Variants in PCDH17 observed in about 807,000 individuals in gnomAD.
PCDH17 encodes protocadherin 17.
A neutral mutation model predicts 67.7 loss-of-function variants in PCDH17; 21 were observed. The observed-to-expected ratio is 0.31, with a 90% CI of 0.22 to 0.45. The LOEUF is 0.45. Among genes scored for constraint, PCDH17 ranks in the 20% least tolerant of loss-of-function variants. The probability of loss-of-function intolerance (pLI) is 1.00; values close to 1 mark genes in which losing one functional copy is unlikely to be tolerated. For missense variants in PCDH17, 1,471 were observed against 1,564.8 expected, an observed-to-expected ratio of 0.94 and a Z score of 1.01; for synonymous variants, 701 against 656.7, an observed-to-expected ratio of 1.07 and a Z score of -1.03.
intron 3 of PCDH17, among the ~76,000 whole-genome samples, chr13:57,700,437 A>T (rs1178259926): frequency 6.6e-6 from 1 of 151,436 alleles, no homozygotes; most frequent in Non-Finnish European, 1.5e-5. Context: ...TCCTGCCTCA[A>T]CTTTCTGACT....
upstream of PCDH17, among the ~76,000 whole-genome samples, chr13:57,631,652 C>G (rs1008762788): frequency 6.6e-6 from 1 of 152,048 alleles, no homozygotes; most frequent in African/African-American, 2.4e-5. Context: ...CTGTGGCTTT[C>G]TTGATTTCGG....
intron 3 of PCDH17, among the ~76,000 whole-genome samples, chr13:57,723,274 T>C (rs1205028094): frequency 2.0e-5 from 3 of 152,322 alleles, no homozygotes; most frequent in Non-Finnish European, 2.9e-5. Context: ...TCCTAAAAAT[T>C]TCAGCCTCTT....
At chr13:57,646,449 G>T (rs1954968328) in intron 1 of PCDH17, among the ~76,000 whole-genome samples, 1 of 151,566 alleles carries the variant, frequency 6.6e-6, no homozygotes, top group Non-Finnish European at 1.5e-5. Context: ...TACATGTGAA[G>T]TTGTATTATT....
chr13:57,633,675 A>G lies in PCDH17; in HGVS notation c.1129A>G (p.Thr377Ala). 3 of 1,605,154 alleles carry G rather than the reference A, an allele frequency of 1.9e-6. No homozygotes were observed. Among genetic ancestry groups the G allele is most frequent in the Non-Finnish European group, 2.5e-6 (3 of 1,179,868 alleles). Reference sequence around the variant, plus strand: ...CACCGTCATCGCCCTGGTGCGGGTCACTGACCGGGACTCTGGCAAGAACGG... The same window carrying G: ...CACCGTCATCGCCCTGGTGCGGGTCGCTGACCGGGACTCTGGCAAGAACGG... ...PGTVIALVRV[T>A]DRDSGKNGQL... The change falls in exon 1 of 4, where the codon ACT (threonine) becomes GCT (alanine). Residue 377 changes from threonine (T) to alanine (A), a missense_variant. By Grantham distance (58) the Thr-to-Ala change is moderately conservative (BLOSUM62 0). Coordinates refer to ENST00000377918, the MANE Select transcript of PCDH17 (RefSeq NM_001040429.3). The surrounding 1 kb of genome is among the most constrained non-coding windows in gnomAD (Gnocchi z 6.2).
At chr13:57,631,091 G>A (rs1954713221), upstream of PCDH17, among the ~76,000 whole-genome samples, 1 of 151,782 alleles carries the variant, frequency 6.6e-6, no homozygotes, top group Admixed American at 6.6e-5. Flanking sequence ...GCCAAACCTT[G>A]ATGTGTTGCT....
intron 3 of PCDH17, among the ~76,000 whole-genome samples, chr13:57,697,495 A>G (rs61961898): frequency 0.026 from 3,981 of 151,758 alleles, 90 homozygotes; most frequent in Non-Finnish European, 0.037. Flanking sequence ...TAAGAAGCCA[A>G]CTATTTATTA....
intron 3 of PCDH17, among the ~76,000 whole-genome samples, chr13:57,704,661 T>A (rs1423196623): frequency 6.6e-6 from 1 of 151,910 alleles, no homozygotes; most frequent in Non-Finnish European, 1.5e-5. Context: ...AGGGATAATT[T>A]GCTATGCTAC....
intron 3 of PCDH17, among the ~76,000 whole-genome samples, chr13:57,672,428 A>C (rs76402546): frequency 6.6e-6 from 1 of 152,126 alleles, no homozygotes; most frequent in African/African-American, 2.4e-5. Context: ...CTCCCTTTCT[A>C]ATTCCCCATA....
chr13:57,723,308 C>A (rs555605234), intron 3 of PCDH17, among the ~76,000 whole-genome samples: 240 of 152,098 alleles, frequency 1.6e-3, no homozygotes, highest in Non-Finnish European at 2.5e-3. Flanking sequence ...ATCTTAAAAC[C>A]TTTTGAGATA....
intron 1 of PCDH17, among the ~76,000 whole-genome samples, chr13:57,649,436 A>G (rs1454275799): frequency 2.0e-5 from 3 of 152,160 alleles, no homozygotes; most frequent in Admixed American, 2.0e-4. Flanking sequence ...ATACCATGCT[A>G]CAGCCATTTT....
rs983589853 is a variant in PCDH17 at position 57,727,961 on chromosome 13, A to G, written c.*2667A>G. On this transcript the variant is annotated 3_prime_UTR_variant, in exon 4 of 4. Transcript: ENST00000377918. ...CAATTTATTATATGTGTCTGAGGAC[A>G]TTAAAACACCATAAGGTTGTAATAA... 1 of 152,584 alleles carries G rather than the reference A, an allele frequency of 6.6e-6. No homozygotes were observed. The highest frequency in any genetic ancestry group is 1.5e-5 in the Non-Finnish European group (1 of 67,988). The allele number at this position is 152,584 out of a possible 1,614,324, so 9.5% of individuals were successfully genotyped here. A position where few individuals can be genotyped will look rare whatever the true frequency, so the allele number is the denominator to read the frequency against.
chr13:57,666,602 T>C, intron 2 of PCDH17, 59 bp from the exon 3 acceptor site: 1 of 1,606,670 alleles, frequency 6.2e-7, no homozygotes, highest in Admixed American at 1.7e-5. Context: ...GAGACTACAC[T>C]TCAGATTCAA....
At chr13:57,679,036 T>G (rs1424335654) in intron 3 of PCDH17, among the ~76,000 whole-genome samples, 1 of 151,512 alleles carries the variant, frequency 6.6e-6, no homozygotes, top group South Asian at 2.1e-4. Context: ...TAGTGAAATA[T>G]CTGAATACTC....
intron 3 of PCDH17, among the ~76,000 whole-genome samples, chr13:57,707,334 CGT>C (rs56840875): frequency 0.16 from 23,912 of 145,564 alleles, 2,432 homozygotes; most frequent in African/African-American, 0.3. Flanking sequence ...GATATATGAC[CGT>C]GTGTGTGTGT....
At chr13:57,715,530 A>G (rs1955809737) in intron 3 of PCDH17, among the ~76,000 whole-genome samples, 1 of 151,914 alleles carries the variant, frequency 6.6e-6, no homozygotes, top group African/African-American at 2.4e-5. Flanking sequence ...GCTGTAATAT[A>G]TAATTCAATG....
At chr13:57,675,162 A>G (rs1341031040) in intron 3 of PCDH17, among the ~76,000 whole-genome samples, 1 of 151,904 alleles carries the variant, frequency 6.6e-6, no homozygotes, top group African/African-American at 2.4e-5. Flanking sequence ...ATCCTTTAAC[A>G]TATATTGAAT....
intron 1 of PCDH17, among the ~76,000 whole-genome samples, chr13:57,649,711 T>C (rs1955012573): frequency 6.6e-6 from 1 of 152,218 alleles, no homozygotes; most frequent in South Asian, 2.1e-4. Flanking sequence ...GAGCATATTG[T>C]TATGCTTTCA....
chr13:57,708,833 G>A lies in PCDH17; in HGVS notation c.2798-15779G>A, dbSNP rs374106161. ...TCTCACTCACCAACAGGCATTTTTT[G>A]TTGGCAAGACTTTCAGGCAGCAATT... On this transcript the variant is annotated intron_variant, in intron 3 of 3. Coordinates refer to ENST00000377918, the MANE Select transcript of PCDH17 (RefSeq NM_001040429.3). Among the ~76,000 whole-genome samples the A allele has an allele frequency of 1.8e-4, 27 of 151,938 alleles. No homozygotes were observed. In the East Asian group the frequency reaches 2.5e-3, roughly 14 times the overall value.
At chr13:57,721,451 A>G (rs1042048853) in intron 3 of PCDH17, among the ~76,000 whole-genome samples, 7 of 152,048 alleles carry the variant, frequency 4.6e-5, no homozygotes, top group Non-Finnish European at 7.4e-5. Context: ...ATAATTTAAC[A>G]TATCTATTCC....
Sources: gnomAD v4.1 joint callset for allele counts (sites outside exome capture counted in the v4.1 genomes callset) on GRCh38, gnomAD v4.1.1 for gene constraint, Gnocchi (gnomAD v3.1) non-coding constraint, MANE v1.5 for transcripts, NCBI Gene and HGNC (gene_info 2026-07-23, HGNC 2026-07-21) for gene names.